SYT14: variants seen among roughly 807,000 people sequenced by gnomAD.
SYT14 encodes the protein synaptotagmin 14, also known as synaptotagmin-14.
In SYT14, 32 loss-of-function variants were observed where a neutral mutation model predicts 74.2. That is an observed-to-expected ratio of 0.43 (90% CI 0.33 to 0.58). The LOEUF (loss-of-function observed/expected upper bound fraction) is 0.58, where lower values mean the gene tolerates loss of function less well. Ranked by LOEUF, SYT14 falls within the 20% of genes least tolerant of loss-of-function variation. The pLI, the probability that SYT14 is intolerant of heterozygous loss-of-function variation, is 0.05. For missense variants in SYT14, 791 were observed against 981.8 expected, an observed-to-expected ratio of 0.81 and a Z score of 2.60; for synonymous variants, 298 against 337.7, an observed-to-expected ratio of 0.88 and a Z score of 1.29.
At chr1:210,116,598 T>C (rs1413924252) in intron 7 of SYT14, among the ~76,000 whole-genome samples, 1 of 152,166 alleles carries the variant, frequency 6.6e-6, no homozygotes, top group Non-Finnish European at 1.5e-5. Context: ...CTGCCCCCCT[T>C]GGCCTCCCAA....
chr1:210,081,597 A>G (rs923451013), intron 5 of SYT14, among the ~76,000 whole-genome samples: 1 of 152,178 alleles, frequency 6.6e-6, no homozygotes, highest in African/African-American at 2.4e-5. Context: ...TGCTTGATGT[A>G]GGGTTGCCAC....
At chr1:209,985,488 T>C (rs1325613599) in intron 2 of SYT14, among the ~76,000 whole-genome samples, 2 of 152,248 alleles carry the variant, frequency 1.3e-5, no homozygotes, top group African/African-American at 4.8e-5. Context: ...CCCACATCTG[T>C]TCTTCCAGGA....
exon 10 of SYT14, chr1:210,161,091 T>C: frequency 6.3e-7 from 1 of 1,582,416 alleles, no homozygotes; most frequent in Non-Finnish European, 8.7e-7. Context: ...TATTTCCAAT[T>C]CCAACATTAC....
At chr1:209,958,431 C>CT (rs1434432971) in intron 2 of SYT14, among the ~76,000 whole-genome samples, 1 of 151,670 alleles carries the variant, frequency 6.6e-6, no homozygotes, top group East Asian at 1.9e-4. Context: ...AACAAAAAGC[C>CT]TTTTTGGAAT....
intron 7 of SYT14, among the ~76,000 whole-genome samples, chr1:210,147,797 T>C (rs2102689737): frequency 6.6e-6 from 1 of 152,104 alleles, no homozygotes; most frequent in South Asian, 2.1e-4. Context: ...AGGTGTACTA[T>C]TAAATAAGGG....
At chr1:209,952,600 AAAC>A (rs2102680208) in intron 1 of SYT14, 106 bp from the exon 2 acceptor site, 1 of 892,384 alleles carries the variant, frequency 1.1e-6, no homozygotes, top group South Asian at 1.4e-5. Context: ...AGAGTTAGGG[AAAC>A]TTTTTTTGAG....
chr1:210,013,704 T>C, exon 3 of SYT14: 1 of 1,613,166 alleles, frequency 6.2e-7, no homozygotes, highest in South Asian at 1.1e-5. Context: ...CCTTTTTCTC[T>C]ATATTAATAA....
intron 2 of SYT14, among the ~76,000 whole-genome samples, chr1:209,997,759 A>G (rs537646522): frequency 6.6e-5 from 10 of 152,104 alleles, no homozygotes; most frequent in Non-Finnish European, 1.3e-4. Flanking sequence ...GTGCAATATA[A>G]ATAACCATGT....
chr1:210,071,364 C>T (rs1439537961), intron 5 of SYT14, among the ~76,000 whole-genome samples: 1 of 116,388 alleles, frequency 8.6e-6, no homozygotes, highest in Non-Finnish European at 2.1e-5. Flanking sequence ...TGTGTTTCTA[C>T]ATTGTAATAC....
At chr1:209,938,269 C>G in exon 1 of SYT14, 1 of 1,562,506 alleles carries the variant, frequency 6.4e-7, no homozygotes, top group Non-Finnish European at 8.7e-7. Flanking sequence ...CGCATCATGG[C>G]GATTGAAGGT....
chr1:210,101,337 T>A (rs2082062132), intron 7 of SYT14, among the ~76,000 whole-genome samples: 1 of 152,174 alleles, frequency 6.6e-6, no homozygotes, highest in African/African-American at 2.4e-5. Context: ...GGTTTATATT[T>A]TAAAATAAAG....
intron 5 of SYT14, among the ~76,000 whole-genome samples, chr1:210,029,017 A>T (rs529076525): frequency 3.3e-5 from 5 of 152,210 alleles, no homozygotes; most frequent in South Asian, 2.1e-4. Context: ...GCATCTCCTT[A>T]ATTATTAGCG....
At chr1:210,109,945 G>C (rs1398454577) in intron 7 of SYT14, among the ~76,000 whole-genome samples, 1 of 152,150 alleles carries the variant, frequency 6.6e-6, no homozygotes, top group Admixed American at 6.5e-5. Flanking sequence ...CCATAGAAAA[G>C]GATGAGTTCA....
At chr1:210,012,686 T>G (rs536211955) in intron 2 of SYT14, among the ~76,000 whole-genome samples, 1 of 152,110 alleles carries the variant, frequency 6.6e-6, no homozygotes, top group East Asian at 1.9e-4. Flanking sequence ...GCATCAGATA[T>G]AACCTTTTTC....
chr1:210,119,190 A>G (rs1438760396), intron 7 of SYT14, among the ~76,000 whole-genome samples: 1 of 152,162 alleles, frequency 6.6e-6, no homozygotes, highest in Non-Finnish European at 1.5e-5. Context: ...TTCTTCCAAG[A>G]ATTATGGATA....
chr1:210,080,909 G>A (rs1383800446), intron 5 of SYT14, among the ~76,000 whole-genome samples: 3 of 152,080 alleles, frequency 2.0e-5, no homozygotes, highest in Admixed American at 2.0e-4. Context: ...ATAGGAGAGA[G>A]TGAATCTTTG....
chr1:210,028,409 A>G (rs1466226008), intron 5 of SYT14, among the ~76,000 whole-genome samples: 1 of 148,376 alleles, frequency 6.7e-6, no homozygotes, highest in East Asian at 2.0e-4. Context: ...GCTGAACTCC[A>G]TACCCATTAA....
chr1:210,038,610 G>A (rs1308965180), intron 5 of SYT14, among the ~76,000 whole-genome samples: 1 of 152,046 alleles, frequency 6.6e-6, no homozygotes, highest in Non-Finnish European at 1.5e-5. Flanking sequence ...TATAGGACTG[G>A]TTTAGTGGTG....
intron 6 of SYT14, among the ~76,000 whole-genome samples, chr1:210,098,793 G>C (rs2082009870): frequency 6.6e-6 from 1 of 151,744 alleles, no homozygotes; most frequent in Non-Finnish European, 1.5e-5. Flanking sequence ...CGATTCTCCT[G>C]CCTCACCTAC....
Sources: allele counts gnomAD v4.1 joint callset (sites outside exome capture counted in the v4.1 genomes callset), GRCh38; gene constraint gnomAD v4.1.1; transcripts MANE v1.5; gene names NCBI Gene and HGNC (gene_info 2026-07-23, HGNC 2026-07-21).